CNTNAP2: variants seen among roughly 807,000 people sequenced by gnomAD.
The protein encoded by CNTNAP2 is contactin associated protein 2.
CNTNAP2 carries 98 observed loss-of-function variants against 155.2 expected under a neutral mutation model. The observed-to-expected ratio is 0.63, with a 90% confidence interval of 0.54 to 0.75. CNTNAP2 has a LOEUF of 0.75. CNTNAP2 is among the 30% of genes least tolerant of loss of function. CNTNAP2 has a pLI of 0.00. For missense variants in CNTNAP2, 1,727 were observed against 1,688.1 expected, an observed-to-expected ratio of 1.02 and a Z score of -0.40; for synonymous variants, 651 against 631.2, an observed-to-expected ratio of 1.03 and a Z score of -0.47.
chr7:147,384,752 C>T (rs770866069), intron 9 of CNTNAP2, among the ~76,000 whole-genome samples: 7 of 152,236 alleles, frequency 4.6e-5, no homozygotes, highest in Non-Finnish European at 8.8e-5. Flanking sequence ...TGGAACATAA[C>T]ATTTTATACA....
chr7:148,333,437 A>T (rs1292215664), intron 21 of CNTNAP2, among the ~76,000 whole-genome samples: 1 of 142,800 alleles, frequency 7.0e-6, no homozygotes, highest in Non-Finnish European at 1.6e-5. Flanking sequence ...AGGAAAGGAA[A>T]AAAAAAACAC....
At position 147,756,426 on chromosome 7, in the gene CNTNAP2, C is replaced by T. The variant is rs528373303; in HGVS notation, c.2098+117120C>T. 1.5e-4 allele frequency among the ~76,000 whole-genome samples: 23 copies of T among 152,172 alleles called. No individual in the cohort carries two copies. The East Asian group carries it at 4.5e-3, about 29-fold the overall frequency. On this transcript the variant is annotated intron_variant, in intron 13 of 23. Transcript: ENST00000361727. ...GTATCAATGATTGCATTTGTGTAGA[C>T]ATCTTGACCAAAGTCACACAGACAG...
intron 1 of CNTNAP2, among the ~76,000 whole-genome samples, chr7:146,410,904 T>C (rs754407595): frequency 4.6e-5 from 7 of 152,284 alleles, no homozygotes; most frequent in Non-Finnish European, 1.0e-4. Flanking sequence ...CACAACATAA[T>C]GTCCTTCAGG....
chr7:148,281,038 C>T (rs1436246734), intron 21 of CNTNAP2, among the ~76,000 whole-genome samples: 3 of 152,186 alleles, frequency 2.0e-5, no homozygotes, highest in Non-Finnish European at 4.4e-5. Context: ...GGGCTAGTGC[C>T]ATCCACCCTG....
At chr7:147,391,677 A>G (rs936470765) in intron 9 of CNTNAP2, among the ~76,000 whole-genome samples, 1 of 152,078 alleles carries the variant, frequency 6.6e-6, no homozygotes, top group Non-Finnish European at 1.5e-5. Context: ...AACTGAAAAG[A>G]CCTGTAAAGC....
intron 5 of CNTNAP2, among the ~76,000 whole-genome samples, chr7:147,115,847 G>A (rs371534010): frequency 6.1e-4 from 93 of 152,248 alleles, no homozygotes; most frequent in African/African-American, 8.2e-4. Context: ...AGTTCTGAGC[G>A]CTTGCTGGAG....
intron 1 of CNTNAP2, among the ~76,000 whole-genome samples, chr7:146,642,404 C>A (rs539141985): frequency 0.13 from 19,283 of 148,070 alleles, 1,604 homozygotes; most frequent in Non-Finnish European, 0.19. Context: ...TGAGAATATG[C>A]AGTGTTTGGT....
chr7:147,019,894 T>A (rs141167676), intron 3 of CNTNAP2, among the ~76,000 whole-genome samples: 1 of 151,804 alleles, frequency 6.6e-6, no homozygotes, highest in African/African-American at 2.4e-5. Flanking sequence ...AGAATTTAGC[T>A]AGAAAAAAAA....
chr7:148,264,972 C>T (rs1796641399), intron 20 of CNTNAP2, among the ~76,000 whole-genome samples: 1 of 152,172 alleles, frequency 6.6e-6, no homozygotes, highest in Non-Finnish European at 1.5e-5. Context: ...GGATTACAGG[C>T]GTAAGCCACT....
At chr7:146,397,530 T>C (rs981211288) in intron 1 of CNTNAP2, among the ~76,000 whole-genome samples, 7 of 152,170 alleles carry the variant, frequency 4.6e-5, no homozygotes, top group African/African-American at 1.7e-4. Context: ...CAGATATTAC[T>C]TGTGAAAGTT....
intron 3 of CNTNAP2, among the ~76,000 whole-genome samples, chr7:146,953,484 A>G (rs1431129067): frequency 6.6e-6 from 1 of 151,982 alleles, no homozygotes; most frequent in Non-Finnish European, 1.5e-5. Context: ...TCATTCAGTA[A>G]ATGCTAGCTA....
intron 15 of CNTNAP2, among the ~76,000 whole-genome samples, chr7:148,061,556 T>C (rs867911201): frequency 2.0e-5 from 3 of 152,132 alleles, no homozygotes; most frequent in Middle Eastern, 3.4e-3. Context: ...GGTTTCACCA[T>C]GTCGGCCAGG....
At chr7:147,540,112 G>A (rs1457901882) in intron 11 of CNTNAP2, among the ~76,000 whole-genome samples, 20 of 152,010 alleles carry the variant, frequency 1.3e-4, no homozygotes, top group Admixed American at 1.3e-3. Flanking sequence ...GCATTACTTT[G>A]AGACTTAATC....
chr7:146,873,695 G>A (rs1425410023), intron 3 of CNTNAP2, among the ~76,000 whole-genome samples: 1 of 152,054 alleles, frequency 6.6e-6, no homozygotes, highest in Non-Finnish European at 1.5e-5. Flanking sequence ...GGAACTACAA[G>A]ATGTTTCCTA....
chr7:146,485,767 A>G (rs902398914), intron 1 of CNTNAP2, among the ~76,000 whole-genome samples: 2 of 152,032 alleles, frequency 1.3e-5, no homozygotes, highest in African/African-American at 2.4e-5. Flanking sequence ...GCTTCCTTAA[A>G]TAATAACAGA....
intron 17 of CNTNAP2, among the ~76,000 whole-genome samples, chr7:148,165,630 C>T (rs1392565550): frequency 6.6e-6 from 1 of 152,130 alleles, no homozygotes; most frequent in Non-Finnish European, 1.5e-5. Context: ...TATGCCAATG[C>T]CACACATAAG....
intron 1 of CNTNAP2, among the ~76,000 whole-genome samples, chr7:146,671,943 G>T (rs1800316276): frequency 6.6e-6 from 1 of 151,962 alleles, no homozygotes. Flanking sequence ...AGCCTCCCGA[G>T]TAGTTGGGAT....
intron 1 of CNTNAP2, among the ~76,000 whole-genome samples, chr7:146,477,302 T>A (rs1395828762): frequency 6.6e-6 from 1 of 152,122 alleles, no homozygotes; most frequent in African/African-American, 2.4e-5. Flanking sequence ...GTCATACATA[T>A]AAAATGACTG....
chr7:146,451,517 G>A (rs1178415253), intron 1 of CNTNAP2, among the ~76,000 whole-genome samples: 2 of 152,100 alleles, frequency 1.3e-5, no homozygotes, highest in Admixed American at 1.3e-4. Flanking sequence ...TCCACAGGGT[G>A]CTGAACTCAA....
Sources: gnomAD v4.1 joint callset for allele counts (sites outside exome capture counted in the v4.1 genomes callset) on GRCh38, gnomAD v4.1.1 for gene constraint, MANE v1.5 for transcripts, NCBI Gene and HGNC (gene_info 2026-07-23, HGNC 2026-07-21) for gene names.